Variants in NMBR observed in about 807,000 individuals in gnomAD.
NMBR encodes the protein neuromedin-B receptor.
NMBR carries 16 observed loss-of-function variants against 20.5 expected under a neutral mutation model. The ratio of observed to expected loss-of-function variants is 0.78; its 90% CI spans 0.53 to 1.19. The LOEUF is 1.19. Among genes scored for constraint, NMBR ranks in the 50% most tolerant of loss-of-function variants. The probability of loss-of-function intolerance (pLI) is 0.00; values close to 1 mark genes in which losing one functional copy is unlikely to be tolerated. For missense variants in NMBR, 582 were observed against 499.1 expected (o/e 1.17, Z -1.58); for synonymous variants, 212 against 196.6 (o/e 1.08, Z -0.65).
rs868439466 is a variant in NMBR, at chr6:142,087,442, A to G, written c.422+795T>C. On this transcript the variant is annotated intron_variant, in intron 2 of 3. Transcript: ENST00000258042. ...CTTCTGCTTAAATGGACCCTGAGTCAGGAGACTTGGATTTTCCTCCCTGGT... is the reference window on the plus strand; with the variant it reads ...CTTCTGCTTAAATGGACCCTGAGTCGGGAGACTTGGATTTTCCTCCCTGGT... Among the ~76,000 whole-genome samples the G allele has an allele frequency of 3.9e-5, 6 of 152,202 alleles. No homozygotes were observed. In the South Asian group the frequency reaches 1.2e-3, roughly 31 times the overall value.
At chr6:142,115,116 G>A (rs1426490360) in intron 1 of NMBR, among the ~76,000 whole-genome samples, 1 of 151,966 alleles carries the variant, frequency 6.6e-6, no homozygotes, top group Non-Finnish European at 1.5e-5. Flanking sequence ...CAAATCGACT[G>A]GTTTTTCTAA....
At chr6:142,103,722 T>G (rs1187966119) in intron 1 of NMBR, among the ~76,000 whole-genome samples, 8 of 152,204 alleles carry the variant, frequency 5.3e-5, no homozygotes, top group Admixed American at 5.2e-4. Context: ...ACCATGGAGT[T>G]TATTCAAATT....
chr6:142,133,843 A>G (rs1465202195), intron 1 of NMBR: 12 of 660,452 alleles, frequency 1.8e-5, no homozygotes, highest in South Asian at 9.7e-5. Context: ...TCCTAAAACC[A>G]TAACAGGTTA....
At chr6:142,094,332 T>C (rs963341518) in intron 1 of NMBR, among the ~76,000 whole-genome samples, 4 of 152,144 alleles carry the variant, frequency 2.6e-5, no homozygotes, top group Non-Finnish European at 4.4e-5. Context: ...TTTGTATAAG[T>C]TGTAAGGAAG....
At chr6:142,118,694 A>T (rs1777894109) in intron 1 of NMBR, among the ~76,000 whole-genome samples, 1 of 152,074 alleles carries the variant, frequency 6.6e-6, no homozygotes, top group Admixed American at 6.6e-5. Context: ...AGACGATAGA[A>T]GGTTGTGGTT....
intron 1 of NMBR, among the ~76,000 whole-genome samples, chr6:142,113,059 A>AT (rs1002500807): frequency 1.3e-5 from 2 of 152,030 alleles, no homozygotes; most frequent in African/African-American, 4.8e-5. Context: ...TCATTTTATA[A>AT]TTTTTTTCAA....
chr6:142,096,161 G>C (rs1344645834), intron 1 of NMBR, among the ~76,000 whole-genome samples: 2 of 152,012 alleles, frequency 1.3e-5, no homozygotes, highest in Non-Finnish European at 1.5e-5. Flanking sequence ...CTTCAGTTCT[G>C]CTCTGATTTT....
At chr6:142,136,569 C>G (rs1778261144) in intron 1 of NMBR, among the ~76,000 whole-genome samples, 2 of 152,046 alleles carry the variant, frequency 1.3e-5, no homozygotes, top group African/African-American at 2.4e-5. Flanking sequence ...AAGTCCTTGC[C>G]CATGCCTATG....
At chr6:142,095,462 T>C (rs960462331) in intron 1 of NMBR, among the ~76,000 whole-genome samples, 105 of 152,350 alleles carry the variant, frequency 6.9e-4, no homozygotes, top group African/African-American at 2.4e-3. Context: ...TGTTTATTGA[T>C]TTGCATATGT....
intron 1 of NMBR, among the ~76,000 whole-genome samples, chr6:142,102,861 C>T (rs1322890107): frequency 2.0e-5 from 3 of 152,164 alleles, no homozygotes; most frequent in Admixed American, 6.5e-5. Context: ...ACAACAGATG[C>T]CCTTTTCAAT....
intron 1 of NMBR, chr6:142,133,714 G>T: frequency 2.2e-6 from 1 of 464,706 alleles, no homozygotes; most frequent in South Asian, 5.7e-5. Context: ...TATTTGATTT[G>T]ATGATCTCTA....
intron 1 of NMBR, chr6:142,133,067 G>C: frequency 3.5e-6 from 2 of 570,010 alleles, no homozygotes; most frequent in Non-Finnish European, 6.4e-6. Context: ...AGAGTCCTGA[G>C]AGAATGTAAG....
rs904445815 is a variant in NMBR at position 142,088,733 on chromosome 6, G to C, written c.-75C>G. 11 of 1,346,684 alleles carry C rather than the reference G, an allele frequency of 8.2e-6. No homozygotes were observed. The East Asian group carries it at 2.4e-4, about 29-fold the overall frequency. The allele number at this position is 1,346,684 out of a possible 1,614,324, so 83.4% of individuals were successfully genotyped here. On this transcript the variant is annotated 5_prime_UTR_variant, in exon 2 of 4. Coordinates refer to ENST00000258042, the MANE Select transcript of NMBR (RefSeq NM_002511.4). The stretch of plus-strand genomic sequence containing the variant: ...CTGAGGACTGAACGCCCACGATTTA[G>C]GTTTAATCGATGTCCCTCCCTCTCG...
In NMBR at chr6:142,096,883, T is replaced by C. The variant is rs1267302630; in HGVS notation, c.-663-7562A>G. On this transcript the variant is annotated intron_variant, in intron 1 of 3. Transcript: ENST00000258042. ...GTATTGGGTGCATATATATTTAGGA[T>C]AGTTAGCTCTTGTTGTTGAATTGAT... 2.6e-5 allele frequency among the ~76,000 whole-genome samples: 4 copies of C among 151,510 alleles called. No individual in the cohort carries two copies. The East Asian group carries it at 7.7e-4, about 29-fold the overall frequency.
At chr6:142,096,082 G>A (rs1229446882) in intron 1 of NMBR, among the ~76,000 whole-genome samples, 2 of 151,912 alleles carry the variant, frequency 1.3e-5, no homozygotes, top group African/African-American at 4.8e-5. Context: ...TATCAATTTT[G>A]TTGATCTTTT....
Position 142,088,635 on chromosome 6 carries a change from G to A in NMBR, c.24C>T (p.Asn8=). MPSKSLS[N]LSVTTGANES... is the part of the protein sequence containing the mutation. ...CATTCGCGCCGGTGGTCACCGAGAG[G>A]TTGGAAAGAGACTTAGAGGGCATGA... Residue 8 remains asparagine (N), a synonymous_variant, in exon 2 of 4, where the codon AAC becomes AAT. Coordinates refer to ENST00000258042, the MANE Select transcript of NMBR (RefSeq NM_002511.4). 1 of 1,604,202 alleles carries A rather than the reference G, an allele frequency of 6.2e-7. No individual in the cohort carries two copies. Among genetic ancestry groups the A allele is most frequent in the Non-Finnish European group, 8.5e-7 (1 of 1,179,620 alleles).
At chr6:142,121,764 A>G (rs1777946816) in intron 1 of NMBR, among the ~76,000 whole-genome samples, 4 of 151,850 alleles carry the variant, frequency 2.6e-5, no homozygotes, top group Admixed American at 2.6e-4. Flanking sequence ...ACTCTACACT[A>G]TGTTACACCA....
intron 2 of NMBR, among the ~76,000 whole-genome samples, chr6:142,085,547 TCA>T (rs1268176909): frequency 4.6e-5 from 7 of 152,000 alleles, no homozygotes; most frequent in Non-Finnish European, 8.8e-5. Context: ...ATAATAATAA[TCA>T]CAGATACCAG....
At chr6:142,130,759 CT>C (rs1239758954) in intron 1 of NMBR, among the ~76,000 whole-genome samples, 1 of 151,966 alleles carries the variant, frequency 6.6e-6, no homozygotes, top group African/African-American at 2.4e-5. Context: ...ATAGTCATTT[CT>C]TTTTTTAATG....
Sources: allele counts gnomAD v4.1 joint callset (sites outside exome capture counted in the v4.1 genomes callset), GRCh38; gene constraint gnomAD v4.1.1; transcripts MANE v1.5; gene names NCBI Gene and HGNC (gene_info 2026-07-23, HGNC 2026-07-21).